Variants in GRIN2A observed in about 807,000 individuals in gnomAD.
GRIN2A encodes the protein glutamate ionotropic receptor NMDA type subunit 2A.
A neutral mutation model predicts 113.4 loss-of-function variants in GRIN2A; 22 were observed. The ratio of observed to expected loss-of-function variants is 0.19; its 90% CI spans 0.14 to 0.28. The LOEUF (loss-of-function observed/expected upper bound fraction) is 0.28, where lower values mean the gene tolerates loss of function less well. GRIN2A is among the 10% of genes least tolerant of loss of function. The pLI, the probability that GRIN2A is intolerant of heterozygous loss-of-function variation, is 1.00. For synonymous variants in GRIN2A, 827 were observed against 738.4 expected, an observed-to-expected ratio of 1.12 and a Z score of -1.94; for missense variants, 1,502 against 1,887.0, an observed-to-expected ratio of 0.80 and a Z score of 3.78.
chr16:9,941,017 A>G (rs2141642613), intron 2 of GRIN2A, among the ~76,000 whole-genome samples: 1 of 152,330 alleles, frequency 6.6e-6, no homozygotes, highest in East Asian at 1.9e-4. Context: ...GAAATGTGAT[A>G]GCTCCCATGT....
Position 9,762,898 on chromosome 16 carries a change from G to A in GRIN2A, c.*251C>T, listed in dbSNP as rs1900649410. 1 of 570,422 alleles carries A rather than the reference G, an allele frequency of 1.8e-6. No homozygotes were observed. Among genetic ancestry groups the A allele is most frequent in the South Asian group, 2.2e-5 (1 of 46,132 alleles). 35.3% of individuals were successfully genotyped at this position (570,422 alleles called of 1,614,324 possible). On this transcript the variant is annotated 3_prime_UTR_variant, in exon 13 of 13. Transcript: ENST00000330684. The stretch of plus-strand genomic sequence containing the variant: ...GCATGTCCCGGAGACTTGCCCTTAT[G>A]TAGTTAGTTATTTTTGGTTAAGGAC...
At chr16:10,145,536 G>C (rs2049422096) in intron 2 of GRIN2A, among the ~76,000 whole-genome samples, 1 of 151,760 alleles carries the variant, frequency 6.6e-6, no homozygotes, top group African/African-American at 2.4e-5. Flanking sequence ...TTGACCATGA[G>C]TTGAAGCTGA....
At chr16:10,134,542 G>C (rs1219106220) in intron 2 of GRIN2A, among the ~76,000 whole-genome samples, 1 of 151,960 alleles carries the variant, frequency 6.6e-6, no homozygotes, top group Non-Finnish European at 1.5e-5. Context: ...TGAGTTGATG[G>C]GTGCAGCAAA....
intron 3 of GRIN2A, among the ~76,000 whole-genome samples, chr16:9,920,136 G>A (rs2044331306): frequency 6.6e-6 from 1 of 152,176 alleles, no homozygotes; most frequent in Non-Finnish European, 1.5e-5. Flanking sequence ...GCGTGACTGT[G>A]TGTGTCTCAT....
At chr16:10,071,668 G>C (rs2047752609) in intron 2 of GRIN2A, among the ~76,000 whole-genome samples, 1 of 152,126 alleles carries the variant, frequency 6.6e-6, no homozygotes, top group Admixed American at 6.5e-5. Context: ...GTAAATGAAA[G>C]GGATGTACTG....
intron 2 of GRIN2A, among the ~76,000 whole-genome samples, chr16:9,966,990 A>T (rs2045567541): frequency 6.6e-6 from 1 of 152,218 alleles, no homozygotes; most frequent in African/African-American, 2.4e-5. Context: ...AGCAGTAGTG[A>T]AACATGAGTC....
intron 2 of GRIN2A, among the ~76,000 whole-genome samples, chr16:10,113,644 C>T (rs1042103478): frequency 3.3e-5 from 5 of 152,176 alleles, no homozygotes; most frequent in African/African-American, 9.7e-5. Flanking sequence ...TTATACACTA[C>T]TGCATGTATA....
At chr16:10,171,587 G>C (rs570163502) in intron 2 of GRIN2A, 2 of 152,190 alleles carry the variant, frequency 1.3e-5, no homozygotes, top group Non-Finnish European at 2.9e-5. Flanking sequence ...ATCATTTCAT[G>C]TTAGACCCTC....
intron 4 of GRIN2A, among the ~76,000 whole-genome samples, chr16:9,854,347 C>T (rs1172481417): frequency 2.0e-5 from 3 of 151,506 alleles, no homozygotes; most frequent in African/African-American, 2.4e-5. Flanking sequence ...TATTAAATTT[C>T]CCCAGAGAAA....
At chr16:10,119,773 C>T (rs574167028) in intron 2 of GRIN2A, among the ~76,000 whole-genome samples, 1 of 152,266 alleles carries the variant, frequency 6.6e-6, no homozygotes, top group Admixed American at 6.5e-5. Flanking sequence ...TCTGTTGTTC[C>T]CCTCCCTATG....
Position 9,833,438 on chromosome 16 carries a change from AT to A in GRIN2A, c.1777+666del, listed in dbSNP as rs148193961. Among the ~76,000 whole-genome samples, 1,298 of 152,288 alleles carry A rather than the reference AT, an allele frequency of 8.5e-3. 24 individuals carry two copies. The highest frequency in any genetic ancestry group is 0.029 in the African/African-American group (1,219 of 41,542). On this transcript the variant is annotated intron_variant, in intron 8 of 12. Transcript: ENST00000330684. ...TTCTTAAACTAGATTTTATAAAGTC[AT>A]TTTCTTTGCATAGACTGAAGTTGAA... is the stretch of plus-strand genomic sequence containing the variant.
At chr16:10,093,781 C>T (rs953121278) in intron 2 of GRIN2A, among the ~76,000 whole-genome samples, 11 of 152,136 alleles carry the variant, frequency 7.2e-5, no homozygotes, top group African/African-American at 1.9e-4. Context: ...AGTTTGATCA[C>T]GTGACTTAGT....
chr16:9,898,147 T>G (rs1219704482), intron 3 of GRIN2A, among the ~76,000 whole-genome samples: 4 of 150,842 alleles, frequency 2.7e-5, no homozygotes, highest in Middle Eastern at 3.2e-3. Flanking sequence ...AACTTCATAG[T>G]TCGCATAAAA....
chr16:9,765,027 C>T, intron 12 of GRIN2A, 79 bp from the exon 13 acceptor site: 1 of 1,578,798 alleles, frequency 6.3e-7, no homozygotes, highest in Non-Finnish European at 8.7e-7. Flanking sequence ...ACTTTACCTG[C>T]AAAGGTGAGA....
At chr16:9,944,628 G>A (rs1351622551) in intron 2 of GRIN2A, among the ~76,000 whole-genome samples, 1 of 152,110 alleles carries the variant, frequency 6.6e-6, no homozygotes, top group Admixed American at 6.5e-5. Flanking sequence ...CCTAGTTGCG[G>A]AGAGGTGTGA....
intron 2 of GRIN2A, among the ~76,000 whole-genome samples, chr16:10,093,331 T>C (rs2048221896): frequency 6.6e-6 from 1 of 152,142 alleles, no homozygotes; most frequent in Non-Finnish European, 1.5e-5. Context: ...TGTCAGAAGA[T>C]CTCAATCATC....
intron 2 of GRIN2A, among the ~76,000 whole-genome samples, chr16:10,106,046 T>A (rs1404709824): frequency 6.6e-6 from 1 of 152,144 alleles, no homozygotes; most frequent in Non-Finnish European, 1.5e-5. Context: ...TTAAAAGAAG[T>A]TTTTTGCAAA....
At position 9,840,893 on chromosome 16, in the gene GRIN2A, C is replaced by G. The variant is rs766361530; in HGVS notation, c.1497+43G>C. ...GCTAACATTCCTGAGGACTGCAGGC[C>G]CTTTGTCTGAGTAAGAGCCTAGGGG... On this transcript the variant is annotated intron_variant, in intron 6 of 12. Coordinates refer to ENST00000330684, the MANE Select transcript of GRIN2A (RefSeq NM_001134407.3). The G allele has an allele frequency of 2.9e-5, 47 of 1,605,564 alleles. No homozygotes were observed. In the South Asian group the frequency reaches 4.1e-4, roughly 14 times the overall value.
At chr16:9,912,219 G>A (rs1374498065) in intron 3 of GRIN2A, among the ~76,000 whole-genome samples, 1 of 152,206 alleles carries the variant, frequency 6.6e-6, no homozygotes, top group East Asian at 1.9e-4. Flanking sequence ...CAATGATGAT[G>A]ATGGCAATGA....
Sources: gnomAD v4.1 joint callset for allele counts (sites outside exome capture counted in the v4.1 genomes callset) on GRCh38, gnomAD v4.1.1 for gene constraint, MANE v1.5 for transcripts, NCBI Gene and HGNC (gene_info 2026-07-23, HGNC 2026-07-21) for gene names.